Variants in NUP133 observed in about 807,000 individuals in gnomAD.
The protein encoded by NUP133 is nucleoporin 133.
In NUP133, 66 loss-of-function variants were observed where a neutral mutation model predicts 146.2. The observed-to-expected ratio is 0.45, with a 90% CI of 0.37 to 0.55. The LOEUF (loss-of-function observed/expected upper bound fraction) is 0.55. Ranked by LOEUF, NUP133 falls within the 20% of genes least tolerant of loss-of-function variation. The probability of loss-of-function intolerance (pLI) is 0.00; values close to 1 mark genes in which losing one functional copy is unlikely to be tolerated. For missense variants in NUP133, 1,277 were observed against 1,374.8 expected, an observed-to-expected ratio of 0.93 and a Z score of 1.12; for synonymous variants, 521 against 498.8, an observed-to-expected ratio of 1.04 and a Z score of -0.59.
intron 18 of NUP133, 73 bp downstream of exon 18, chr1:229,464,551 A>AT: frequency 6.6e-7 from 1 of 1,507,192 alleles, no homozygotes; most frequent in Non-Finnish European, 9.1e-7. Context: ...CACACTGAAT[A>AT]TACTGAATTA....
chr1:229,473,916 C>T (rs1471396948), intron 14 of NUP133, among the ~76,000 whole-genome samples: 1 of 152,158 alleles, frequency 6.6e-6, no homozygotes, highest in African/African-American at 2.4e-5. Context: ...GGGAGTGAAA[C>T]CCTGTCACAC....
At chr1:229,458,981 C>T (rs1233568327) in intron 20 of NUP133, among the ~76,000 whole-genome samples, 2 of 151,760 alleles carry the variant, frequency 1.3e-5, no homozygotes, top group Admixed American at 1.3e-4. Flanking sequence ...TCTAAATAAT[C>T]CATAAGAAAT....
intron 18 of NUP133, 79 bp downstream of exon 18, chr1:229,464,545 C>G (rs543534885): frequency 6.7e-7 from 1 of 1,482,888 alleles, no homozygotes; most frequent in Non-Finnish European, 9.3e-7. Context: ...CACTACCACA[C>G]TGAATATACT....
chr1:229,494,646 G>A (rs1438073647), intron 8 of NUP133, among the ~76,000 whole-genome samples: 1 of 152,120 alleles, frequency 6.6e-6, no homozygotes, highest in Non-Finnish European at 1.5e-5. Context: ...ACTAACCTAG[G>A]ATCCTATGCA....
At chr1:229,458,411 G>A in intron 20 of NUP133, 115 bp from the exon 21 acceptor site, 2 of 994,332 alleles carry the variant, frequency 2.0e-6, no homozygotes, top group East Asian at 2.5e-5. Context: ...TGAATGAGAA[G>A]TCAACAGTTA....
Position 229,499,710 on chromosome 1 carries a change from T to C in NUP133, c.622A>G (p.Thr208Ala), listed in dbSNP as rs570619075. Residue 208 changes from threonine to alanine, a missense_variant, in exon 5 of 26, where the codon ACT (threonine) becomes GCT (alanine). By Grantham distance (58) the Thr-to-Ala change is moderately conservative. Around this residue, in one of 3 missense-constraint regions of NUP133, gnomAD observed 319 missense variants for 306.9 expected, o/e 1.04. Coordinates refer to ENST00000261396, the MANE Select transcript of NUP133 (RefSeq NM_018230.3). The part of the protein sequence containing the change: ...EAFVDSGGDK[T>A]YSFLTAVQGG... ...TGCACTGCTGTTAGGAAACTGTAAG[T>C]CTTATCACCTCCCGAATCTACAAAA... 1 of 1,614,086 alleles carries C rather than the reference T, an allele frequency of 6.2e-7. No homozygotes were observed. The highest frequency in any genetic ancestry group is 1.1e-5 in the South Asian group (1 of 91,080).
chr1:229,442,737 G>A (rs568246602), intron 25 of NUP133, among the ~76,000 whole-genome samples: 12 of 144,612 alleles, frequency 8.3e-5, no homozygotes, highest in South Asian at 2.2e-4. Flanking sequence ...TTTTTCAGGC[G>A]GAGTCTCACT....
At chr1:229,449,332 T>C (rs1005003228) in intron 23 of NUP133, 142 bp from the exon 24 acceptor site, 29 of 604,298 alleles carry the variant, frequency 4.8e-5, no homozygotes, top group Non-Finnish European at 2.3e-5. Flanking sequence ...GTGGTGATGA[T>C]GATTTTATCA....
chr1:229,467,155 T>C (rs1396267533), intron 15 of NUP133, among the ~76,000 whole-genome samples: 1 of 152,234 alleles, frequency 6.6e-6, no homozygotes, highest in Non-Finnish European at 1.5e-5. Flanking sequence ...ATTTCTTTCT[T>C]TGAGGAATTC....
chr1:229,468,015 TATC>T (rs1415565441), intron 15 of NUP133, among the ~76,000 whole-genome samples: 1 of 152,150 alleles, frequency 6.6e-6, no homozygotes, highest in Non-Finnish European at 1.5e-5. Flanking sequence ...TAAATTCTCT[TATC>T]ATGTATATAT....
At chr1:229,463,782 A>C in intron 18 of NUP133, 106 bp from the exon 19 acceptor site, 1 of 1,200,536 alleles carries the variant, frequency 8.3e-7, no homozygotes, top group South Asian at 1.7e-5. Context: ...ATAAACCAAC[A>C]ATCATTAATG....
chr1:229,483,407 C>A (rs1195090139), intron 12 of NUP133, among the ~76,000 whole-genome samples: 1 of 152,068 alleles, frequency 6.6e-6, no homozygotes, highest in Non-Finnish European at 1.5e-5. Flanking sequence ...GGCCATAATT[C>A]TTTAATATTA....
At chr1:229,486,274 A>G in intron 11 of NUP133, 97 bp downstream of exon 11, 1 of 1,101,090 alleles carries the variant, frequency 9.1e-7, no homozygotes, top group African/African-American at 1.8e-5. Flanking sequence ...ATGAACTACG[A>G]CTGTGCCACT....
chr1:229,487,501 G>A lies in NUP133; in HGVS notation c.1307C>T (p.Ser436Phe). 8 of 1,613,470 alleles carry A rather than the reference G, an allele frequency of 5.0e-6. No individual in the cohort carries two copies. Among genetic ancestry groups the A allele is most frequent in the Non-Finnish European group, 6.8e-6 (8 of 1,179,890 alleles). The change falls in exon 10 of 26, where the codon TCT becomes TTT. Residue 436 changes from serine to phenylalanine, a missense_variant. By Grantham distance (155) the Ser-to-Phe change is radical. Coordinates refer to ENST00000261396, the MANE Select transcript of NUP133 (RefSeq NM_018230.3). ...YVCSTGTGKFSLPQEKIVFNA... is the reference protein window; with the variant it reads ...YVCSTGTGKFFLPQEKIVFNA... ...AAAGACAATTTTCTCCTGGGGAAGA[G>A]AAAATTTCCCAGTTCCTGTGGAGCA...
chr1:229,450,415 G>T, intron 23 of NUP133, 110 bp downstream of exon 23: 1 of 551,720 alleles, frequency 1.8e-6, no homozygotes, highest in South Asian at 2.8e-5. Context: ...TTGAACCACA[G>T]ATACAGTCTT....
chr1:229,505,075 G>A (rs187161742), intron 2 of NUP133, among the ~76,000 whole-genome samples: 5 of 152,258 alleles, frequency 3.3e-5, no homozygotes, highest in African/African-American at 4.8e-5. Context: ...ATCAGCTATC[G>A]TAAGTGTATT....
chr1:229,443,384 GACTA>G (rs887622054), intron 25 of NUP133, among the ~76,000 whole-genome samples: 5 of 152,016 alleles, frequency 3.3e-5, no homozygotes, highest in African/African-American at 1.2e-4. Flanking sequence ...AAATGTTGGT[GACTA>G]ACTAGAAAAA....
At chr1:229,468,288 T>C (rs1365966022) in intron 15 of NUP133, among the ~76,000 whole-genome samples, 2 of 152,132 alleles carry the variant, frequency 1.3e-5, no homozygotes, top group African/African-American at 2.4e-5. Context: ...AAATACTCCT[T>C]AGACAGGTAA....
intron 8 of NUP133, among the ~76,000 whole-genome samples, chr1:229,492,682 T>C (rs1661556711): frequency 6.6e-6 from 1 of 151,922 alleles, no homozygotes; most frequent in Non-Finnish European, 1.5e-5. Flanking sequence ...CCAAATATCA[T>C]ATGTTCTCAC....
Sources: gnomAD v4.1 joint callset for allele counts (sites outside exome capture counted in the v4.1 genomes callset) on GRCh38, gnomAD v4.1.1 for gene constraint, gnomAD v4.1.1 regional missense constraint, MANE v1.5 for transcripts, NCBI Gene and HGNC (gene_info 2026-07-23, HGNC 2026-07-21) for gene names.